CIMIP7: variants seen among roughly 807,000 people sequenced by gnomAD.
CIMIP7 encodes the protein ciliary microtubule inner protein 7, also known as uncharacterized protein C3orf84.
the CIMIP7 span, chr3:49,178,576 T>C: frequency 2.0e-5 from 32 of 1,581,130 alleles, no homozygotes; most frequent in Non-Finnish European, 2.6e-5. Flanking sequence ...ATGGGGAAAA[T>C]GATGCTTATT....
chr3:49,182,909 C>T, the CIMIP7 span, among the ~76,000 whole-genome samples: 18 of 152,182 alleles, frequency 1.2e-4, no homozygotes, highest in Admixed American at 1.2e-3. Flanking sequence ...CCAGCCACTC[C>T]GAGTGCAGCC....
At chr3:49,189,956 T>C in the CIMIP7 span, 2 of 1,129,826 alleles carry the variant, frequency 1.8e-6, no homozygotes, top group Non-Finnish European at 2.7e-6. Context: ...GCTGGGATGA[T>C]GCTTTTGGGT....
chr3:49,183,633 C>T, the CIMIP7 span, among the ~76,000 whole-genome samples: 5 of 152,098 alleles, frequency 3.3e-5, no homozygotes, highest in Admixed American at 6.6e-5. Context: ...CCAGCCTGGC[C>T]GACAGAGTGA....
chr3:49,182,095 GGTGA>G, the CIMIP7 span, among the ~76,000 whole-genome samples: 1 of 152,188 alleles, frequency 6.6e-6, no homozygotes, highest in Non-Finnish European at 1.5e-5. Context: ...AGACCTTCGT[GGTGA>G]GTGTTACAAC....
At chr3:49,181,392 C>T in the CIMIP7 span, among the ~76,000 whole-genome samples, 2 of 150,670 alleles carry the variant, frequency 1.3e-5, no homozygotes, top group African/African-American at 2.4e-5. Flanking sequence ...GGCTTACACC[C>T]GTAATCCCAG....
the CIMIP7 span, among the ~76,000 whole-genome samples, chr3:49,186,259 A>G: frequency 6.6e-6 from 1 of 151,654 alleles, no homozygotes. Context: ...TTGGCCTCCC[A>G]AAGTGCTGGG....
chr3:49,177,876 C>G, the CIMIP7 span: 2 of 1,613,712 alleles, frequency 1.2e-6, no homozygotes, highest in African/African-American at 2.7e-5. Flanking sequence ...GGATGAGGTG[C>G]TGGGGGAGGC....
chr3:49,182,374 T>C, the CIMIP7 span, among the ~76,000 whole-genome samples: 2 of 152,286 alleles, frequency 1.3e-5, no homozygotes, highest in East Asian at 3.9e-4. Context: ...CCAGATTAGC[T>C]AGATACAGAG....
chr3:49,182,883 G>GC, the CIMIP7 span, among the ~76,000 whole-genome samples: 1 of 152,198 alleles, frequency 6.6e-6, no homozygotes. Flanking sequence ...GCCCCTCACT[G>GC]CCCGGGGCGG....
At chr3:49,178,625 A>G in the CIMIP7 span, 7 of 1,208,738 alleles carry the variant, frequency 5.8e-6, no homozygotes, top group Non-Finnish European at 7.2e-6. Context: ...AGGGTCCTTA[A>G]TGGAGGGAAG....
the CIMIP7 span, chr3:49,178,344 T>G: frequency 1.3e-6 from 1 of 775,770 alleles, no homozygotes; most frequent in Admixed American, 2.5e-5. Flanking sequence ...AGAAAGTTTG[T>G]GGGGGAAGAC....
chr3:49,178,109 C>T, the CIMIP7 span: 2 of 1,447,684 alleles, frequency 1.4e-6, no homozygotes, highest in Non-Finnish European at 9.2e-7. Context: ...CCTTCTTGGG[C>T]CCCTCCTAAC....
the CIMIP7 span, chr3:49,190,091 T>C: frequency 2.5e-6 from 4 of 1,611,308 alleles, no homozygotes; most frequent in Admixed American, 6.7e-5. Context: ...CTCTAGCACT[T>C]TCACTCTTGA....
the CIMIP7 span, among the ~76,000 whole-genome samples, chr3:49,181,993 G>A: frequency 6.6e-6 from 1 of 152,146 alleles, no homozygotes; most frequent in Non-Finnish European, 1.5e-5. Flanking sequence ...AGACCTCCGC[G>A]GTGAGTGTTA....
the CIMIP7 span, among the ~76,000 whole-genome samples, chr3:49,187,635 A>AC: frequency 3.3e-5 from 5 of 151,998 alleles, no homozygotes; most frequent in African/African-American, 1.2e-4. Context: ...TGAAAAAAAA[A>AC]CCCATAATTT....
At chr3:49,181,567 A>G in the CIMIP7 span, among the ~76,000 whole-genome samples, 2 of 152,172 alleles carry the variant, frequency 1.3e-5, no homozygotes, top group Admixed American at 1.3e-4. Flanking sequence ...CTGAAGTGGA[A>G]GGATCACATG....
the CIMIP7 span, chr3:49,191,671 C>G: frequency 1.3e-6 from 2 of 1,512,340 alleles, no homozygotes; most frequent in Non-Finnish European, 1.8e-6. Context: ...TTTCACTTCA[C>G]CGGCATGACT....
chr3:49,189,733 A>C, the CIMIP7 span: 5 of 500,560 alleles, frequency 1.0e-5, no homozygotes, highest in Middle Eastern at 6.8e-4. Context: ...AGCAAAACTC[A>C]AGGCTTACTT....
the CIMIP7 span, among the ~76,000 whole-genome samples, chr3:49,182,189 G>A: frequency 6.6e-5 from 10 of 152,242 alleles, no homozygotes; most frequent in Admixed American, 1.3e-4. Context: ...CCTCCACAGC[G>A]TGGAAGGGGA....
Sources: allele counts gnomAD v4.1 joint callset (sites outside exome capture counted in the v4.1 genomes callset), GRCh38; gene constraint gnomAD v4.1.1; transcripts MANE v1.5; gene names NCBI Gene and HGNC (gene_info 2026-07-23, HGNC 2026-07-21).